CCL5: variants seen among roughly 807,000 people sequenced by gnomAD.
CCL5 encodes C-C motif chemokine ligand 5, also known as C-C motif chemokine 5.
A neutral mutation model predicts 9.0 loss-of-function variants in CCL5; 5 were observed. That is an observed-to-expected ratio of 0.55 (90% CI 0.29 to 1.16). The LOEUF is 1.16. Ranked by LOEUF, CCL5 falls within the 50% of genes most tolerant of loss-of-function variation. The pLI, the probability that CCL5 is intolerant of heterozygous loss-of-function variation, is 0.08. For synonymous variants in CCL5, 66 were observed against 72.0 expected (o/e 0.92, Z 0.42); for missense variants, 183 against 183.2 (o/e 1.00, Z 0.01).
At position 35,880,214 on chromosome 17, in the gene CCL5, C is replaced by A. The variant is rs749466056; in HGVS notation, c.76+16G>T. The A allele has an allele frequency of 1.2e-6, 2 of 1,611,446 alleles. No homozygotes were observed. Among genetic ancestry groups the A allele is most frequent in the South Asian group, 2.2e-5 (2 of 90,760 alleles). ...GTCTGACTCCAGGGGCTGTGGTGGT[C>A]AAGACCAGGACTTACATGGGGAGGC... On this transcript the variant is annotated intron_variant, in intron 1 of 3. Coordinates refer to ENST00000651122, the MANE Select transcript of CCL5 (RefSeq NM_001278736.2).
At chr17:35,877,377 T>C (rs1020385216) in intron 2 of CCL5, among the ~76,000 whole-genome samples, 1 of 152,172 alleles carries the variant, frequency 6.6e-6, no homozygotes, top group Non-Finnish European at 1.5e-5. Flanking sequence ...AGACTCTGTC[T>C]CAAAACAAAA....
chr17:35,878,664 G>A, intron 1 of CCL5, 25 bp from the exon 2 acceptor site: 1 of 1,430,774 alleles, frequency 7.0e-7, no homozygotes, highest in Non-Finnish European at 9.8e-7. Context: ...GAAGGAGGGA[G>A]ACCCTTTTAT....
In CCL5 at chr17:35,872,403, A is replaced by G. The variant is rs756634409; in HGVS notation, c.332T>C (p.Val111Ala). ...TAGCTCATCTCCAAAGAGTTGATGT[A>G]CTCCCGAACCCATTTCTTCTCTGGG... The change falls in exon 4 of 4, where the codon GTA becomes GCA. Residue 111 changes from valine to alanine, a missense_variant. By Grantham distance (64) the Val-to-Ala change is moderately conservative. Transcript: ENST00000651122. 3.7e-5 allele frequency: 59 copies of G among 1,613,602 alleles called. No homozygotes were observed. Among genetic ancestry groups the G allele is most frequent in the Non-Finnish European group, 4.9e-5 (58 of 1,179,928 alleles).
At chr17:35,876,192 C>T (rs2144027025) in intron 2 of CCL5, among the ~76,000 whole-genome samples, 1 of 152,260 alleles carries the variant, frequency 6.6e-6, no homozygotes, top group South Asian at 2.1e-4. Flanking sequence ...CACCAAGTGT[C>T]ATAGCTGGAG....
At chr17:35,879,560 G>A (rs922119009) in intron 1 of CCL5, among the ~76,000 whole-genome samples, 4 of 150,856 alleles carry the variant, frequency 2.7e-5, no homozygotes, top group Non-Finnish European at 4.4e-5. Context: ...GCATGAACCC[G>A]GGAGACGGAG....
chr17:35,880,168 G>T, intron 1 of CCL5, 62 bp downstream of exon 1: 1 of 1,309,554 alleles, frequency 7.6e-7, no homozygotes, highest in Non-Finnish European at 1.1e-6. Context: ...TCATTGGGAT[G>T]GGGTAGGCAT....
intron 1 of CCL5, among the ~76,000 whole-genome samples, chr17:35,879,721 C>T (rs963438406): frequency 6.6e-6 from 1 of 151,188 alleles, no homozygotes; most frequent in Non-Finnish European, 1.5e-5. Context: ...TTTTATTATC[C>T]TCTCCTTGTT....
In CCL5 at chr17:35,880,250, G is replaced by C. The variant is rs1196468165; in HGVS notation, c.56C>G (p.Ala19Gly). The change falls in exon 1 of 4, where the codon GCT becomes GGT. Residue 19 changes from alanine to glycine, a missense_variant. Ala to Gly is a moderately conservative substitution (Grantham distance 60, BLOSUM62 0). Coordinates refer to ENST00000651122, the MANE Select transcript of CCL5 (RefSeq NM_001278736.2). Reference sequence around the variant, plus strand: ...CTTACATGGGGAGGCAGATGCAGGAGCGCAGAGGGCAGTAGCAATGAGGAT... The same window carrying C: ...CTTACATGGGGAGGCAGATGCAGGACCGCAGAGGGCAGTAGCAATGAGGAT... 1 of 1,613,906 alleles carries C rather than the reference G, an allele frequency of 6.2e-7. No homozygotes were observed. The highest frequency in any genetic ancestry group is 1.1e-5 in the South Asian group (1 of 90,996).
At chr17:35,876,761 A>G (rs541653527) in intron 2 of CCL5, among the ~76,000 whole-genome samples, 17 of 152,300 alleles carry the variant, frequency 1.1e-4, no homozygotes, top group African/African-American at 3.4e-4. Flanking sequence ...GCTTTCCTAC[A>G]TGGAGACTGT....
In CCL5 at chr17:35,872,277, G is replaced by A. The variant is rs2088378777; in HGVS notation, c.458C>T (p.Ala153Val). 1.3e-6 allele frequency: 2 copies of A among 1,563,670 alleles called. No homozygotes were observed. Among genetic ancestry groups the A allele is most frequent in the Admixed American group, 3.6e-5 (2 of 55,128 alleles). ...TGGTAGAATCTGGGCCCTTCAAGGA[G>A]CGGGTGGGGTAGGATAGTGAGGGGA... The change falls in exon 4 of 4, where the codon GCT becomes GTT. Residue 153 changes from alanine (A) to valine (V), a missense_variant. Physicochemically the swap from Ala to Val is moderately conservative, Grantham distance 64. Coordinates refer to ENST00000651122, the MANE Select transcript of CCL5 (RefSeq NM_001278736.2).
Position 35,877,836 on chromosome 17 carries a change from C to G in CCL5, c.188+692G>C, listed in dbSNP as rs930398470. ...ATCCCTGACCTCTGACCTCTTCTCC[C>G]TAGTTCCTCTGAGGTTTAGGTGGAT... On this transcript the variant is annotated intron_variant, in intron 2 of 3. Coordinates refer to ENST00000651122, the MANE Select transcript of CCL5 (RefSeq NM_001278736.2). Among the ~76,000 whole-genome samples the G allele has an allele frequency of 3.3e-5, 5 of 152,222 alleles. No individual in the cohort carries two copies. The East Asian group carries it at 9.6e-4, about 29-fold the overall frequency.
chr17:35,876,838 T>C (rs1260708088), intron 2 of CCL5, among the ~76,000 whole-genome samples: 4 of 152,192 alleles, frequency 2.6e-5, no homozygotes, highest in Non-Finnish European at 5.9e-5. Flanking sequence ...CCTAGGCTTT[T>C]CTCTGCCAGG....
At chr17:35,878,715 T>G in intron 1 of CCL5, 76 bp from the exon 2 acceptor site, 1 of 824,610 alleles carries the variant, frequency 1.2e-6, no homozygotes, top group Non-Finnish European at 2.0e-6. Flanking sequence ...GGACACTTTA[T>G]ATGATTTATT....
rs2088431348 is a variant in CCL5, at chr17:35,875,559, A to C, written c.270+2T>G. On this transcript the variant is annotated splice_donor_variant, in intron 3 of 3. Transcript: ENST00000651122. LOFTEE classifies it high-confidence loss of function. Reference sequence around the variant, plus strand: ...GGTGGTGTGAGAGTTTCAGACACAGACCTTGCCCTTGTTCAGCCGGGAGTC... The same window carrying C: ...GGTGGTGTGAGAGTTTCAGACACAGCCCTTGCCCTTGTTCAGCCGGGAGTC... 1 of 983,678 alleles carries C rather than the reference A, an allele frequency of 1.0e-6. No individual in the cohort carries two copies. Among genetic ancestry groups the C allele is most frequent in the Non-Finnish European group, 1.2e-6 (1 of 828,396 alleles). 60.9% of individuals were successfully genotyped at this position (983,678 alleles called of 1,614,324 possible).
At chr17:35,872,964 A>G (rs1358405156) in intron 3 of CCL5, among the ~76,000 whole-genome samples, 1 of 150,890 alleles carries the variant, frequency 6.6e-6, no homozygotes, top group Non-Finnish European at 1.5e-5. Flanking sequence ...ATCTCAGCTC[A>G]CTGCAACTTT....
At chr17:35,879,103 T>C (rs942265786) in intron 1 of CCL5, among the ~76,000 whole-genome samples, 19 of 152,192 alleles carry the variant, frequency 1.2e-4, no homozygotes, top group African/African-American at 4.3e-4. Context: ...TGAGAAGGGC[T>C]CTCAACAGAG....
intron 3 of CCL5, among the ~76,000 whole-genome samples, chr17:35,874,900 C>T (rs1294396602): frequency 6.6e-6 from 1 of 151,720 alleles, no homozygotes; most frequent in Non-Finnish European, 1.5e-5. Context: ...ACGTGAGCCA[C>T]CGCACCCAGA....
intron 3 of CCL5, among the ~76,000 whole-genome samples, chr17:35,873,288 C>G (rs1045147568): frequency 6.6e-6 from 1 of 151,500 alleles, no homozygotes; most frequent in African/African-American, 2.4e-5. Context: ...CCCGGGTTCA[C>G]GCCATTCTCC....
intron 2 of CCL5, among the ~76,000 whole-genome samples, chr17:35,876,493 T>A (rs1285716752): frequency 6.6e-6 from 1 of 152,148 alleles, no homozygotes; most frequent in African/African-American, 2.4e-5. Context: ...TTAACCCCCA[T>A]TTTTCTCCCT....
Sources: allele counts gnomAD v4.1 joint callset (sites outside exome capture counted in the v4.1 genomes callset), GRCh38; gene constraint gnomAD v4.1.1; transcripts MANE v1.5; gene names NCBI Gene and HGNC (gene_info 2026-07-23, HGNC 2026-07-21).